Variants in PDE8A observed in about 807,000 individuals in gnomAD.
PDE8A encodes phosphodiesterase 8A.
In PDE8A, 59 loss-of-function variants were observed where a neutral mutation model predicts 105.0. The observed-to-expected ratio is 0.56, with a 90% CI of 0.46 to 0.70. The LOEUF (loss-of-function observed/expected upper bound fraction) is 0.70, where lower values mean the gene tolerates loss of function less well. Among genes scored for constraint, PDE8A ranks in the 30% least tolerant of loss-of-function variants. The pLI, the probability that PDE8A is intolerant of heterozygous loss-of-function variation, is 0.00. For synonymous variants in PDE8A, 355 were observed against 371.9 expected (o/e 0.95, Z 0.52); for missense variants, 1,014 against 1,045.9 (o/e 0.97, Z 0.42).
chr15:85,028,761 C>A (rs2080561604), intron 1 of PDE8A, among the ~76,000 whole-genome samples: 1 of 151,962 alleles, frequency 6.6e-6, no homozygotes, highest in Non-Finnish European at 1.5e-5. Flanking sequence ...CCCTCCCGAG[C>A]ACCTCCCAGC....
intron 1 of PDE8A, among the ~76,000 whole-genome samples, chr15:85,026,772 A>G (rs2080524454): frequency 6.6e-6 from 1 of 152,166 alleles, no homozygotes; most frequent in Non-Finnish European, 1.5e-5. Flanking sequence ...CTCAAAACAA[A>G]AAACAAAACA....
intron 1 of PDE8A, among the ~76,000 whole-genome samples, chr15:85,024,259 C>CTTA (rs2080476142): frequency 6.6e-6 from 1 of 152,178 alleles, no homozygotes; most frequent in Non-Finnish European, 1.5e-5. Context: ...TCCCCTAGAC[C>CTTA]ATAACTTCCT....
chr15:85,099,802 C>T, intron 9 of PDE8A: 1 of 518,134 alleles, frequency 1.9e-6, no homozygotes. Context: ...AGAATTTTGT[C>T]ATTTTTACTG....
At chr15:84,991,545 C>T (rs992144694) in intron 1 of PDE8A, among the ~76,000 whole-genome samples, 2 of 152,204 alleles carry the variant, frequency 1.3e-5, no homozygotes, top group African/African-American at 4.8e-5. Flanking sequence ...AACCCATTGT[C>T]ATTGCCAGGT....
chr15:85,037,065 AT>A lies in PDE8A; in HGVS notation c.187-27289del, dbSNP rs756347084. ...GCAGTGCTCTTAAGATACTGGACTA[AT>A]TTTTTTTTTTTTTTTGGAGACGGAG... On this transcript the variant is annotated intron_variant, in intron 1 of 21. Coordinates refer to ENST00000394553, the MANE Select transcript of PDE8A (RefSeq NM_002605.3). Among the ~76,000 whole-genome samples the A allele has an allele frequency of 4.1e-3, 580 of 141,258 alleles. 2 individuals carry two copies. The highest frequency in any genetic ancestry group is 4.1e-3 in the Non-Finnish European group (263 of 64,270). 92.7% of individuals were successfully genotyped at this position (141,258 alleles called of 152,430 possible). A position where few individuals can be genotyped will look rare whatever the true frequency, so the allele number is the denominator to read the frequency against.
chr15:85,004,442 A>C (rs1479524989), intron 1 of PDE8A, among the ~76,000 whole-genome samples: 1 of 152,196 alleles, frequency 6.6e-6, no homozygotes, highest in South Asian at 2.1e-4. Context: ...ACAGCCCCCC[A>C]CAGTGAGGAC....
chr15:85,084,333 A>C (rs2081515311), intron 6 of PDE8A, among the ~76,000 whole-genome samples: 1 of 152,194 alleles, frequency 6.6e-6, no homozygotes, highest in African/African-American at 2.4e-5. Flanking sequence ...ACAGGGTTCC[A>C]CGTGTAGGGA....
chr15:84,988,646 G>A (rs767611230), intron 1 of PDE8A, among the ~76,000 whole-genome samples: 1 of 152,154 alleles, frequency 6.6e-6, no homozygotes, highest in Non-Finnish European at 1.5e-5. Flanking sequence ...CTAGAGTGCT[G>A]TTCCCCCACC....
At chr15:85,124,327 T>C (rs1407415056) in intron 19 of PDE8A, among the ~76,000 whole-genome samples, 1 of 152,186 alleles carries the variant, frequency 6.6e-6, no homozygotes. Flanking sequence ...CCTATTATAC[T>C]AGATTCATTG....
rs146584503 is a variant in PDE8A, at chr15:85,056,561, A to C, written c.187-7809A>C. 3.7e-3 allele frequency among the ~76,000 whole-genome samples: 555 copies of C among 152,054 alleles called. 6 individuals are homozygous for C. Among genetic ancestry groups the C allele is most frequent in the Middle Eastern group, 0.01 (3 of 294 alleles). ...CTTCTCACTTCATTTCATTCATTTG[A>C]TCTTCAGTCACTGATACCCCTTCTT... On this transcript the variant is annotated intron_variant, in intron 1 of 21. Coordinates refer to ENST00000394553, the MANE Select transcript of PDE8A (RefSeq NM_002605.3).
At chr15:85,101,876 G>C (rs1423416920) in intron 11 of PDE8A, among the ~76,000 whole-genome samples, 2 of 152,230 alleles carry the variant, frequency 1.3e-5, no homozygotes, top group African/African-American at 2.4e-5. Flanking sequence ...TGAATGTGGA[G>C]AGCTCTACCT....
intron 1 of PDE8A, among the ~76,000 whole-genome samples, chr15:85,021,886 A>C (rs2080432746): frequency 6.6e-6 from 1 of 152,210 alleles, no homozygotes; most frequent in African/African-American, 2.4e-5. Context: ...TGTCCTCCTT[A>C]CTGCATCATA....
In PDE8A at chr15:85,066,994, T is replaced by TAAGAAATGACAATTCTAACATC; in HGVS notation, c.244-20_244-19insAAGAAATGACAATTCTAACATC. The TAAGAAATGACAATTCTAACATC allele has an allele frequency of 2.6e-6, 4 of 1,534,120 alleles. No homozygotes were observed. Among genetic ancestry groups the TAAGAAATGACAATTCTAACATC allele is most frequent in the Non-Finnish European group, 3.5e-6 (4 of 1,129,010 alleles). ...CTAACATCTTTTTTTAAAAAAAGTG[T>TAAGAAATGACAATTCTAACATC]TTGTGCTCTTTTGATTCAGGTACTT... On this transcript the variant is annotated intron_variant, in intron 2 of 21. Coordinates refer to ENST00000394553, the MANE Select transcript of PDE8A (RefSeq NM_002605.3).
intron 1 of PDE8A, among the ~76,000 whole-genome samples, chr15:85,025,489 G>A (rs2080501235): frequency 6.6e-6 from 1 of 152,134 alleles, no homozygotes; most frequent in African/African-American, 2.4e-5. Flanking sequence ...GACATTTAAA[G>A]AAAGAAACCC....
chr15:85,067,403 G>C (rs766107976), intron 3 of PDE8A, among the ~76,000 whole-genome samples, 199 bp downstream of exon 3: 1 of 152,136 alleles, frequency 6.6e-6, no homozygotes, highest in Non-Finnish European at 1.5e-5. Context: ...ACTTGAAACA[G>C]TAAGAAAATG....
chr15:85,135,835 A>T (rs989286402), intron 20 of PDE8A, among the ~76,000 whole-genome samples: 1 of 151,802 alleles, frequency 6.6e-6, no homozygotes, highest in Non-Finnish European at 1.5e-5. Context: ...GAAGAGTTTG[A>T]CTAAAGTACA....
intron 1 of PDE8A, among the ~76,000 whole-genome samples, chr15:85,006,434 TCA>T (rs1464945811): frequency 1.3e-5 from 2 of 152,160 alleles, no homozygotes; most frequent in East Asian, 3.9e-4. Context: ...GTCCAGGCAC[TCA>T]GTTAGTTTGA....
chr15:84,983,247 ATGTTT>A (rs897272031), intron 1 of PDE8A, among the ~76,000 whole-genome samples: 2 of 152,196 alleles, frequency 1.3e-5, no homozygotes, highest in Non-Finnish European at 2.9e-5. Flanking sequence ...GCGTTGGTTT[ATGTTT>A]TGTTAAACCA....
At chr15:85,103,888 G>T (rs1001466595) in intron 11 of PDE8A, among the ~76,000 whole-genome samples, 1 of 152,192 alleles carries the variant, frequency 6.6e-6, no homozygotes, top group African/African-American at 2.4e-5. Flanking sequence ...GCACTCATTT[G>T]TCTGGGCCTG....
Sources: allele counts gnomAD v4.1 joint callset (sites outside exome capture counted in the v4.1 genomes callset), GRCh38; gene constraint gnomAD v4.1.1; transcripts MANE v1.5; gene names NCBI Gene and HGNC (gene_info 2026-07-23, HGNC 2026-07-21).